The following EPHB1 variants were observed in gnomAD, a reference collection of about 807,000 sequenced individuals.
EPHB1 encodes the protein EPH receptor B1.
Under a neutral mutation model 94.4 loss-of-function variants are expected in EPHB1, and 30 were observed. The observed-to-expected ratio is 0.32, with a 90% CI of 0.24 to 0.43. The LOEUF (loss-of-function observed/expected upper bound fraction) is 0.43, where lower values mean the gene tolerates loss of function less well. Among genes scored for constraint, EPHB1 ranks in the 20% least tolerant of loss-of-function variants. The pLI, the probability that EPHB1 is intolerant of heterozygous loss-of-function variation, is 1.00. For missense variants in EPHB1, 1,055 were observed against 1,308.3 expected, an observed-to-expected ratio of 0.81 and a Z score of 2.99; for synonymous variants, 522 against 489.1, an observed-to-expected ratio of 1.07 and a Z score of -0.89.
chr3:134,899,630 C>T (rs2038159341), intron 1 of EPHB1, among the ~76,000 whole-genome samples: 1 of 152,134 alleles, frequency 6.6e-6, no homozygotes. Context: ...AAAACACACT[C>T]TTAGACTTGA....
At chr3:134,845,676 A>T (rs74521080) in intron 1 of EPHB1, among the ~76,000 whole-genome samples, 1,740 of 152,290 alleles carry the variant, frequency 0.011, 18 homozygotes, top group Non-Finnish European at 0.017. Context: ...GTGTGAGGAG[A>T]TATCCCAGCA....
rs960605408 is a variant in EPHB1 at position 135,237,045 on chromosome 3, G to C, written c.2347-4103G>C. Among the ~76,000 whole-genome samples, 42 of 152,124 alleles carry C rather than the reference G, an allele frequency of 2.8e-4. 1 individual carries two copies. Among genetic ancestry groups the C allele is most frequent in the Admixed American group, 6.6e-5 (1 of 15,264 alleles). ...CATTGCCCATTGAGAGTAGGGCTGAGGCTCATCATTACCATGTCCCCAGCA... is the reference window on the plus strand; with the variant it reads ...CATTGCCCATTGAGAGTAGGGCTGACGCTCATCATTACCATGTCCCCAGCA... On this transcript the variant is annotated intron_variant, in intron 12 of 15. Coordinates refer to ENST00000398015, the MANE Select transcript of EPHB1 (RefSeq NM_004441.5).
chr3:135,149,364 A>G (rs1010336312), intron 5 of EPHB1, among the ~76,000 whole-genome samples: 3 of 152,242 alleles, frequency 2.0e-5, no homozygotes, highest in Non-Finnish European at 2.9e-5. Flanking sequence ...AATATAGAGA[A>G]AAGACAATTA....
chr3:134,852,332 G>A (rs534306857), intron 1 of EPHB1, among the ~76,000 whole-genome samples: 9 of 152,310 alleles, frequency 5.9e-5, no homozygotes, highest in African/African-American at 7.2e-5. Context: ...GACGGGTTCC[G>A]AAGATGTTAT....
intron 1 of EPHB1, among the ~76,000 whole-genome samples, chr3:134,905,230 A>T (rs541146195): frequency 2.0e-5 from 3 of 152,118 alleles, no homozygotes; most frequent in Non-Finnish European, 4.4e-5. Flanking sequence ...GCCTTCCTCC[A>T]CTTTCCTCTT....
chr3:135,190,461 G>GTT (rs1017983013), intron 10 of EPHB1, among the ~76,000 whole-genome samples: 3 of 151,962 alleles, frequency 2.0e-5, no homozygotes, highest in Non-Finnish European at 2.9e-5. Flanking sequence ...TCAGCTCATA[G>GTT]TTATATATAT....
intron 1 of EPHB1, among the ~76,000 whole-genome samples, chr3:134,875,036 A>T (rs2037588110): frequency 6.6e-6 from 1 of 152,098 alleles, no homozygotes; most frequent in African/African-American, 2.4e-5. Flanking sequence ...CTTTTGCATC[A>T]CTTCCGGGGT....
At chr3:135,098,816 A>G (rs1359090480) in intron 3 of EPHB1, among the ~76,000 whole-genome samples, 1 of 152,076 alleles carries the variant, frequency 6.6e-6, no homozygotes, top group Non-Finnish European at 1.5e-5. Context: ...GCTCAGAACA[A>G]GCCTGGCCAA....
chr3:135,040,812 T>G (rs1936808379), intron 3 of EPHB1, among the ~76,000 whole-genome samples: 1 of 152,210 alleles, frequency 6.6e-6, no homozygotes, highest in African/African-American at 2.4e-5. Context: ...GTGCAAGGTA[T>G]TATTCTTAAT....
intron 1 of EPHB1, among the ~76,000 whole-genome samples, chr3:134,887,799 C>A (rs774732338): frequency 3.9e-5 from 6 of 152,142 alleles, no homozygotes; most frequent in African/African-American, 7.2e-5. Flanking sequence ...AGAACTACAT[C>A]AATATTAGAG....
rs903515221 is a variant in EPHB1, at chr3:135,009,151, A to G, written c.805+57099A>G. Among the ~76,000 whole-genome samples the G allele has an allele frequency of 4.6e-5, 7 of 152,306 alleles. No individual in the cohort carries two copies. In the South Asian group the frequency reaches 6.2e-4, roughly 14 times the overall value. On this transcript the variant is annotated intron_variant, in intron 3 of 15. Coordinates refer to ENST00000398015, the MANE Select transcript of EPHB1 (RefSeq NM_004441.5). Reference sequence around the variant, plus strand: ...GTAGTGATTAGAAACCCTGGCTGCAATGAAAGCCACCAGGAAAGGTTTGAG... The same window carrying G: ...GTAGTGATTAGAAACCCTGGCTGCAGTGAAAGCCACCAGGAAAGGTTTGAG...
intron 3 of EPHB1, among the ~76,000 whole-genome samples, chr3:134,954,446 A>C (rs572434017): frequency 1.2e-4 from 18 of 152,206 alleles, no homozygotes; most frequent in African/African-American, 4.3e-4. Context: ...GGCCATTCAC[A>C]ATGGTTTTGG....
chr3:135,212,925 C>T (rs1943064676), intron 12 of EPHB1, among the ~76,000 whole-genome samples: 1 of 152,104 alleles, frequency 6.6e-6, no homozygotes, highest in Admixed American at 6.5e-5. Context: ...TCAGCTTATC[C>T]CCCTAATCAG....
At chr3:135,188,203 T>C (rs4894259) in intron 10 of EPHB1, among the ~76,000 whole-genome samples, 1 of 92,990 alleles carries the variant, frequency 1.1e-5, no homozygotes, top group Non-Finnish European at 2.6e-5. Flanking sequence ...TCTAAAAAAA[T>C]AAATAAATAA....
chr3:134,830,033 T>A (rs138925034), intron 1 of EPHB1, among the ~76,000 whole-genome samples: 50 of 152,342 alleles, frequency 3.3e-4, no homozygotes, highest in African/African-American at 1.2e-3. Flanking sequence ...AAGTCTCTGT[T>A]GTGAAAGTCA....
rs757126476 is a variant in EPHB1 at position 134,906,702 on chromosome 3, G to A, written c.59-19114G>A. 1.8e-4 allele frequency among the ~76,000 whole-genome samples: 27 copies of A among 152,334 alleles called. 1 individual carries two copies. Among genetic ancestry groups the A allele is most frequent in the South Asian group, 6.2e-4 (3 of 4,826 alleles). ...GCCTAACATATGAAGTTTGCCAGCC[G>A]CCAGAGCAGACCATCATAACACTTA... On this transcript the variant is annotated intron_variant, in intron 1 of 15. Transcript: ENST00000398015.
At chr3:135,048,980 C>A (rs1937090445) in intron 3 of EPHB1, among the ~76,000 whole-genome samples, 1 of 152,190 alleles carries the variant, frequency 6.6e-6, no homozygotes, top group East Asian at 1.9e-4. Context: ...TTCCTTACAG[C>A]CTCAGAAGTG....
chr3:135,257,887 C>A lies in EPHB1; in HGVS notation c.2847-1125C>A, dbSNP rs189199559. ...GAGACTCCGTGGGCATAGGACCCTC[C>A]GAGCCAGGTGTGGGATATAATCTCG... On this transcript the variant is annotated intron_variant, in intron 15 of 15. Transcript: ENST00000398015. Among the ~76,000 whole-genome samples, 9 of 151,846 alleles carry A rather than the reference C, an allele frequency of 5.9e-5. No individual in the cohort carries two copies. The East Asian group carries it at 9.7e-4, about 16-fold the overall frequency.
chr3:135,113,718 G>A (rs934077333), intron 4 of EPHB1, among the ~76,000 whole-genome samples: 1 of 152,158 alleles, frequency 6.6e-6, no homozygotes, highest in Non-Finnish European at 1.5e-5. Flanking sequence ...TGCTCAGCAG[G>A]CCAGTGATTT....
Sources: allele counts gnomAD v4.1 joint callset (sites outside exome capture counted in the v4.1 genomes callset), GRCh38; gene constraint gnomAD v4.1.1; transcripts MANE v1.5; gene names NCBI Gene and HGNC (gene_info 2026-07-23, HGNC 2026-07-21).